Variants in PRKAR1A observed in about 807,000 individuals in gnomAD.
PRKAR1A encodes the protein protein kinase cAMP-dependent type I regulatory subunit alpha, also known as cAMP-dependent protein kinase type I-alpha regulatory subunit.
A neutral mutation model predicts 52.0 loss-of-function variants in PRKAR1A; 3 were observed. The ratio of observed to expected loss-of-function variants is 0.06; its 90% CI spans 0.03 to 0.15. The LOEUF is 0.15. Among genes scored for constraint, PRKAR1A ranks in the 10% least tolerant of loss-of-function variants. The pLI, the probability that PRKAR1A is intolerant of heterozygous loss-of-function variation, is 1.00. For missense variants in PRKAR1A, 240 were observed against 477.4 expected (o/e 0.50, Z 4.63); for synonymous variants, 188 against 168.4 (o/e 1.12, Z -0.90).
At chr17:68,507,013 T>C (rs1017971073), upstream of PRKAR1A, among the ~76,000 whole-genome samples, 5 of 152,146 alleles carry the variant, frequency 3.3e-5, no homozygotes, top group African/African-American at 1.2e-4. Context: ...GAAAGCCCAT[T>C]GTTTTCATGA....
chr17:68,458,975 AG>A, the PRKAR1A span, among the ~76,000 whole-genome samples: 1 of 152,220 alleles, frequency 6.6e-6, no homozygotes, highest in Non-Finnish European at 1.5e-5. Context: ...GACCTACAAT[AG>A]ATGAACAAAG....
chr17:68,467,463 T>C, the PRKAR1A span, among the ~76,000 whole-genome samples: 1 of 152,234 alleles, frequency 6.6e-6, no homozygotes, highest in African/African-American at 2.4e-5. Flanking sequence ...CGAATTACTA[T>C]AGCCATCCTT....
intron 2 of PRKAR1A, among the ~76,000 whole-genome samples, chr17:68,519,201 C>A (rs138634125): frequency 2.5e-4 from 38 of 152,292 alleles, no homozygotes; most frequent in African/African-American, 8.7e-4. Flanking sequence ...CAGCACCCCA[C>A]GCTCTGTGTA....
At chr17:68,428,878 T>C in the PRKAR1A span, 94 of 1,614,004 alleles carry the variant, frequency 5.8e-5, no homozygotes, top group Non-Finnish European at 7.5e-5. Flanking sequence ...GGATCCAAAT[T>C]GTACATATAA....
the PRKAR1A span, chr17:68,427,276 G>C: frequency 1.3e-6 from 2 of 1,579,502 alleles, no homozygotes; most frequent in South Asian, 1.1e-5. Flanking sequence ...ATCAAGAGGA[G>C]GTGAAAGAAA....
chr17:68,463,785 GAAC>G, the PRKAR1A span, among the ~76,000 whole-genome samples: 1 of 152,186 alleles, frequency 6.6e-6, no homozygotes, highest in Non-Finnish European at 1.5e-5. Flanking sequence ...AGAGTGGGGA[GAAC>G]TACAGGCAAA....
chr17:68,524,184 CT>C (rs140696489), intron 5 of PRKAR1A, 107 bp downstream of exon 5: 1,675 of 989,304 alleles, frequency 1.7e-3, no homozygotes, highest in Non-Finnish European at 1.9e-3. Context: ...GATCCTACCA[CT>C]TTTTTTTTTC....
chr17:68,497,280 T>G, the PRKAR1A span, among the ~76,000 whole-genome samples: 1 of 152,200 alleles, frequency 6.6e-6, no homozygotes, highest in African/African-American at 2.4e-5. Flanking sequence ...TTTCACACTA[T>G]AGTGGTGAAG....
Position 68,524,043 on chromosome 17 carries a change from C to T in PRKAR1A, c.468C>T (p.Val156=), listed in dbSNP as rs1157974680. The T allele has an allele frequency of 1.2e-6, 2 of 1,614,080 alleles. No homozygotes were observed. Among genetic ancestry groups the T allele is most frequent in the Middle Eastern group, 1.6e-4 (1 of 6,062 alleles). Residue 156 remains valine, a synonymous_variant, in exon 5 of 11, where the codon GTC becomes GTT. Coordinates refer to ENST00000589228, the MANE Select transcript of PRKAR1A (RefSeq NM_002734.5). ...RSDIFDAMFS[V]SFIAGETVIQ... ...ATATTTTTGATGCCATGTTTTCGGTCTCCTTTATCGCAGGAGAGACTGTGA... is the reference window on the plus strand; with the variant it reads ...ATATTTTTGATGCCATGTTTTCGGTTTCCTTTATCGCAGGAGAGACTGTGA...
chr17:68,518,034 T>TC (rs1281514018), intron 2 of PRKAR1A, among the ~76,000 whole-genome samples: 2 of 152,244 alleles, frequency 1.3e-5, no homozygotes, highest in East Asian at 1.9e-4. Flanking sequence ...CTCCTTTGAC[T>TC]CCATGTCTCA....
chr17:68,530,257 C>A lies in PRKAR1A; in HGVS notation c.974-20C>A. ...GTTTTTCATAGAAGTTAGCCTGTTA[C>A]CCATCTTTGCTTTCTCCAGGTGAAA... On this transcript the variant is annotated intron_variant, in intron 10 of 10. Coordinates refer to ENST00000589228, the MANE Select transcript of PRKAR1A (RefSeq NM_002734.5). 6 of 1,613,708 alleles carry A rather than the reference C, an allele frequency of 3.7e-6. No homozygotes were observed. In the South Asian group the frequency reaches 5.5e-5, roughly 15 times the overall value.
At chr17:68,432,647 G>A in the PRKAR1A span, among the ~76,000 whole-genome samples, 3 of 152,046 alleles carry the variant, frequency 2.0e-5, no homozygotes, top group East Asian at 1.9e-4. Context: ...ATGTATCAGC[G>A]TGATATGGTG....
In PRKAR1A at chr17:68,515,485, C is replaced by T. The variant is rs763929951; in HGVS notation, c.86C>T (p.Ala29Val). 5.6e-6 allele frequency: 9 copies of T among 1,613,400 alleles called. No homozygotes were observed. The highest frequency in any genetic ancestry group is 1.7e-5 in the Admixed American group (1 of 59,994). The change falls in exon 2 of 11, where the codon GCG becomes GTG. Residue 29 changes from alanine (A) to valine (V), a missense_variant. Physicochemically the swap from Ala to Val is moderately conservative, Grantham distance 64. Transcript: ENST00000589228. Reference protein sequence around the residue: ...ELYVQKHNIQALLKDSIVQLC... With the variant: ...ELYVQKHNIQVLLKDSIVQLC... ...TACGTCCAGAAGCATAACATTCAAGCGCTGCTCAAAGATTCTATTGTGCAG... is the reference window on the plus strand; with the variant it reads ...TACGTCCAGAAGCATAACATTCAAGTGCTGCTCAAAGATTCTATTGTGCAG...
At chr17:68,427,349 G>C in the PRKAR1A span, 2 of 904,378 alleles carry the variant, frequency 2.2e-6, no homozygotes, top group Non-Finnish European at 3.5e-6. Context: ...CCTGTGCTCA[G>C]CTCTGTGGGT....
At chr17:68,459,854 T>TC in the PRKAR1A span, among the ~76,000 whole-genome samples, 3 of 151,992 alleles carry the variant, frequency 2.0e-5, no homozygotes, top group African/African-American at 7.2e-5. Flanking sequence ...GTTTTAATTT[T>TC]TTTTTTTTTT....
At chr17:68,459,633 TA>T in the PRKAR1A span, among the ~76,000 whole-genome samples, 2 of 152,232 alleles carry the variant, frequency 1.3e-5, no homozygotes, top group South Asian at 4.1e-4. Context: ...GACCAAATCA[TA>T]GAGTTGTTTT....
rs373673914 is a variant in PRKAR1A at position 68,522,939 on chromosome 17, T to C, written c.348+13T>C. On this transcript the variant is annotated intron_variant, in intron 3 of 10. Transcript: ENST00000589228. ...CTATGTTAGAAAGGTAGTTTTGATA[T>C]TTGAATATCGGGGGGATGCTTTTGG... 10 of 1,612,804 alleles carry C rather than the reference T, an allele frequency of 6.2e-6. No individual in the cohort carries two copies. In the African/African-American group the frequency reaches 9.3e-5, roughly 15 times the overall value.
At chr17:68,455,501 A>G in the PRKAR1A span, among the ~76,000 whole-genome samples, 11 of 152,286 alleles carry the variant, frequency 7.2e-5, no homozygotes, top group Admixed American at 7.2e-4. Flanking sequence ...GCCTACATTT[A>G]TAGAAAAAGA....
intron 8 of PRKAR1A, chr17:68,528,528 T>G: frequency 3.9e-6 from 1 of 256,664 alleles, no homozygotes. Flanking sequence ...ATGGGGAAAC[T>G]ATGACTTTTG....
Sources: gnomAD v4.1 joint callset for allele counts (sites outside exome capture counted in the v4.1 genomes callset) on GRCh38, gnomAD v4.1.1 for gene constraint, MANE v1.5 for transcripts, NCBI Gene and HGNC (gene_info 2026-07-23, HGNC 2026-07-21) for gene names.